CCDC117: variants seen among roughly 807,000 people sequenced by gnomAD.
CCDC117 encodes coiled-coil domain containing 117, also known as coiled-coil domain-containing protein 117.
Under a neutral mutation model 23.5 loss-of-function variants are expected in CCDC117, and 1 was observed. The observed-to-expected ratio is 0.04, with a 90% confidence interval of 0.02 to 0.20. The LOEUF (loss-of-function observed/expected upper bound fraction) is 0.20, where lower values mean the gene tolerates loss of function less well. Among genes scored for constraint, CCDC117 ranks in the 10% least tolerant of loss-of-function variants. The pLI is 1.00. For synonymous variants in CCDC117, 132 were observed against 124.8 expected (o/e 1.06, Z -0.39); for missense variants, 383 against 348.2 (o/e 1.10, Z -0.80).
rs1394991272 is a variant in CCDC117, at chr22:28,773,016, GGAGTGC to G, written c.169_174del (p.Ser57_Ala58del). On this transcript the variant is annotated inframe_deletion, in exon 1 of 5. Coordinates refer to ENST00000249064, the MANE Select transcript of CCDC117 (RefSeq NM_173510.4). ...CGCGCAGTCCCTAGCAGTCCCGCTGGGAGTGCGGCGCGCGGACGGTGAGGAGCCCGT... is the reference window on the plus strand; with the variant it reads ...CGCGCAGTCCCTAGCAGTCCCGCTGGGGCGCGCGGACGGTGAGGAGCCCGT... 11 of 1,185,248 alleles carry G rather than the reference GGAGTGC, an allele frequency of 9.3e-6. No homozygotes were observed. In the East Asian group the frequency reaches 4.0e-4, roughly 43 times the overall value. 73.4% of individuals were successfully genotyped at this position (1,185,248 alleles called of 1,614,324 possible).
rs1367056643 is a variant in CCDC117, at chr22:28,786,464, ACT to A, written c.*141_*142del. On this transcript the variant is annotated 3_prime_UTR_variant, in exon 5 of 5. Coordinates refer to ENST00000249064, the MANE Select transcript of CCDC117 (RefSeq NM_173510.4). The stretch of plus-strand genomic sequence containing the variant: ...TCTCCACCTGTGATTTGGGGGTGGG[ACT>A]CTTATTTTGGGTAGCCATTTATTGA... 4.3e-5 allele frequency: 26 copies of A among 611,016 alleles called. No homozygotes were observed. In the East Asian group the frequency reaches 6.8e-4, roughly 16 times the overall value. The allele number at this position is 611,016 out of a possible 1,614,324, so 37.8% of individuals were successfully genotyped here.
chr22:28,777,913 C>T (rs1163034595), intron 2 of CCDC117, among the ~76,000 whole-genome samples: 3 of 151,280 alleles, frequency 2.0e-5, no homozygotes, highest in East Asian at 1.9e-4. Flanking sequence ...TACAGTCGCA[C>T]GATCAGGGTT....
At position 28,784,917 on chromosome 22, in the gene CCDC117, C is replaced by G. The variant is rs917061156; in HGVS notation, c.603-1172C>G. ...CCCGAGTAGCTGGGACTACAGGCGC[C>G]TGCCACCTTGCCCGGCTAGTTTTTT... On this transcript the variant is annotated intron_variant, in intron 4 of 4. Transcript: ENST00000249064. Among the ~76,000 whole-genome samples, 3 of 152,092 alleles carry G rather than the reference C, an allele frequency of 2.0e-5. No individual in the cohort carries two copies. The South Asian group carries it at 6.2e-4, about 32-fold the overall frequency.
At chr22:28,785,011 C>T (rs1208123345) in intron 4 of CCDC117, among the ~76,000 whole-genome samples, 1 of 152,152 alleles carries the variant, frequency 6.6e-6, no homozygotes, top group African/African-American at 2.4e-5. Flanking sequence ...ACCTTGTGAT[C>T]CACCCTCTTC....
At chr22:28,785,409 A>G (rs912966184) in intron 4 of CCDC117, among the ~76,000 whole-genome samples, 11 of 151,646 alleles carry the variant, frequency 7.3e-5, no homozygotes, top group Non-Finnish European at 1.5e-4. Flanking sequence ...GCTGGTTGCA[A>G]ACTCCTGGGC....
chr22:28,774,077 T>TG (rs914922097), intron 2 of CCDC117, among the ~76,000 whole-genome samples: 3 of 151,602 alleles, frequency 2.0e-5, no homozygotes, highest in Non-Finnish European at 4.4e-5. Context: ...TTTGTTTTTT[T>TG]TTTTTTTTGG....
chr22:28,787,013 AG>A lies in CCDC117; in HGVS notation c.*688del, dbSNP rs1382258157. 6.6e-6 allele frequency: 1 copy of A among 152,546 alleles called. No individual in the cohort carries two copies. Among genetic ancestry groups the A allele is most frequent in the African/African-American group, 2.4e-5 (1 of 41,398 alleles). The allele number at this position is 152,546 out of a possible 1,614,324, so 9.4% of individuals were successfully genotyped here. On this transcript the variant is annotated 3_prime_UTR_variant, in exon 5 of 5. Coordinates refer to ENST00000249064, the MANE Select transcript of CCDC117 (RefSeq NM_173510.4). ...TTTCCCTTGCGTAATTGATAAGCCC[AG>A]TTATTCAGTAATGTTTACAAATTAA...
At chr22:28,775,726 G>A (rs900629724) in intron 2 of CCDC117, among the ~76,000 whole-genome samples, 23 of 151,872 alleles carry the variant, frequency 1.5e-4, no homozygotes, top group African/African-American at 3.6e-4. Context: ...ATGAAACCCC[G>A]TCTCTGCTAA....
At chr22:28,774,167 A>C (rs948768062) in intron 2 of CCDC117, among the ~76,000 whole-genome samples, 2 of 146,050 alleles carry the variant, frequency 1.4e-5, no homozygotes, top group East Asian at 4.0e-4. Flanking sequence ...TCCCGGCTTC[A>C]TGCCATTCTC....
chr22:28,780,870 C>G, intron 2 of CCDC117, 78 bp from the exon 3 acceptor site: 1 of 1,085,106 alleles, frequency 9.2e-7, no homozygotes. Flanking sequence ...AATACAAAAA[C>G]TTGATTGGAG....
At chr22:28,782,159 C>CATT (rs1555946276) in intron 3 of CCDC117, among the ~76,000 whole-genome samples, 1 of 148,606 alleles carries the variant, frequency 6.7e-6, no homozygotes, top group Non-Finnish European at 1.5e-5. Context: ...GCTGGTCACG[C>CATT]ATTCCTGGGC....
chr22:28,773,571 C>G (rs1392303124), intron 1 of CCDC117, among the ~76,000 whole-genome samples, 154 bp from the exon 2 acceptor site: 2 of 152,172 alleles, frequency 1.3e-5, no homozygotes, highest in Non-Finnish European at 2.9e-5. Context: ...CCACCGTTAC[C>G]CGACTGACCT....
intron 3 of CCDC117, among the ~76,000 whole-genome samples, chr22:28,781,950 T>C (rs796952345): frequency 0.055 from 6,246 of 113,450 alleles, 174 homozygotes; most frequent in Non-Finnish European, 0.078. Context: ...GCCCCCCCCC[T>C]TTTTTTTTTT....
chr22:28,780,843 A>G, intron 2 of CCDC117, 105 bp from the exon 3 acceptor site: 2 of 799,978 alleles, frequency 2.5e-6, no homozygotes, highest in South Asian at 3.7e-5. Context: ...ACACTTGTCA[A>G]AAAAGCTAGT....
At position 28,783,542 on chromosome 22, in the gene CCDC117, A is replaced by C; in HGVS notation, c.499A>C (p.Arg167=). ...IDEDEEVEAD[R]NVNHLPSLVL... ...TGAAGATGAAGAAGTTGAAGCTGAC[A>C]GAAATGTTAACCATCTCCCCAGTCT... Residue 167 remains arginine (R), a synonymous_variant, in exon 4 of 5, where the codon AGA becomes CGA. Coordinates refer to ENST00000249064, the MANE Select transcript of CCDC117 (RefSeq NM_173510.4). 1 of 1,613,930 alleles carries C rather than the reference A, an allele frequency of 6.2e-7. No individual in the cohort carries two copies. The highest frequency in any genetic ancestry group is 8.5e-7 in the Non-Finnish European group (1 of 1,179,900).
chr22:28,783,445 A>T (rs2031414621), intron 3 of CCDC117, 63 bp from the exon 4 acceptor site: 2 of 1,512,912 alleles, frequency 1.3e-6, no homozygotes, highest in South Asian at 1.2e-5. Context: ...TTGTCCAAAT[A>T]CTAGAATATA....
chr22:28,773,087 TG>T, intron 1 of CCDC117, 53 bp downstream of exon 1: 2 of 930,464 alleles, frequency 2.1e-6, no homozygotes, highest in Non-Finnish European at 2.6e-6. Flanking sequence ...GCGGGCAGGC[TG>T]GGCGCCCCTC....
rs184076804 is a variant in CCDC117, at chr22:28,778,105, A to G, written c.240-2843A>G. ...TGTGATCCGCCCGCCTCGGCCTCCCAAAGTGGCCTCGGCCTCCCAAAGTGC... is the reference window on the plus strand; with the variant it reads ...TGTGATCCGCCCGCCTCGGCCTCCCGAAGTGGCCTCGGCCTCCCAAAGTGC... On this transcript the variant is annotated intron_variant, in intron 2 of 4. Transcript: ENST00000249064. Among the ~76,000 whole-genome samples the G allele has an allele frequency of 1.1e-3, 174 of 151,832 alleles. 1 individual carries two copies. The highest frequency in any genetic ancestry group is 3.9e-3 in the African/African-American group (163 of 41,416).
intron 3 of CCDC117, among the ~76,000 whole-genome samples, chr22:28,782,240 T>G (rs2031364619): frequency 6.8e-6 from 1 of 146,362 alleles, no homozygotes; most frequent in Non-Finnish European, 1.5e-5. Context: ...GCCGGGCCAG[T>G]CTACTGAGCC....
Sources: gnomAD v4.1 joint callset for allele counts (sites outside exome capture counted in the v4.1 genomes callset) on GRCh38, gnomAD v4.1.1 for gene constraint, MANE v1.5 for transcripts, NCBI Gene and HGNC (gene_info 2026-07-23, HGNC 2026-07-21) for gene names.